Variants in GTF3C1 observed in about 807,000 individuals in gnomAD.
GTF3C1 encodes the protein general transcription factor 3C polypeptide 1.
In GTF3C1, 57 loss-of-function variants were observed where a neutral mutation model predicts 226.7. The ratio of observed to expected loss-of-function variants is 0.25; its 90% confidence interval spans 0.20 to 0.31. The LOEUF (loss-of-function observed/expected upper bound fraction) is 0.31. GTF3C1 is among the 10% of genes least tolerant of loss of function. The pLI is 1.00. For missense variants in GTF3C1, 2,217 were observed against 2,776.1 expected (o/e 0.80, Z 4.53); for synonymous variants, 1,090 against 1,084.8 (o/e 1.00, Z -0.09).
At chr16:27,498,805 C>A in intron 12 of GTF3C1, 72 bp from the exon 13 acceptor site, 1 of 790,854 alleles carries the variant, frequency 1.3e-6, no homozygotes, top group South Asian at 1.3e-5. Flanking sequence ...ACAGTCGATT[C>A]CTAGTGGAAC....
chr16:27,538,998 ACT>A (rs1555505415), intron 2 of GTF3C1, among the ~76,000 whole-genome samples: 1 of 116,852 alleles, frequency 8.6e-6, no homozygotes. Flanking sequence ...ACACACACAC[ACT>A]CATCTTTTTT....
chr16:27,508,271 A>C (rs555886519), intron 8 of GTF3C1, among the ~76,000 whole-genome samples: 1 of 152,318 alleles, frequency 6.6e-6, no homozygotes, highest in Admixed American at 6.5e-5. Context: ...TCAGCCTCCC[A>C]AAGTGTTGGG....
At position 27,508,531 on chromosome 16, in the gene GTF3C1, T is replaced by C; in HGVS notation, c.1242+9A>G. On this transcript the variant is annotated intron_variant, in intron 8 of 36. Coordinates refer to ENST00000356183, the MANE Select transcript of GTF3C1 (RefSeq NM_001520.4). ...ACAACGAGTGTTGGGGGAAGGCTCA[T>C]GATGTTACCTTGACAACTTTGAATC... 2 of 1,593,422 alleles carry C rather than the reference T, an allele frequency of 1.3e-6. No homozygotes were observed. The highest frequency in any genetic ancestry group is 8.6e-7 in the Non-Finnish European group (1 of 1,161,146).
intron 6 of GTF3C1, among the ~76,000 whole-genome samples, chr16:27,525,541 C>T (rs980608093): frequency 2.6e-5 from 4 of 152,238 alleles, no homozygotes; most frequent in African/African-American, 7.2e-5. Context: ...TTTTCTCAGA[C>T]ACAGGGAAGC....
Position 27,497,639 on chromosome 16 carries a change from A to G in GTF3C1, c.2348T>C (p.Val783Ala). 6.2e-7 allele frequency: 1 copy of G among 1,611,064 alleles called. No individual in the cohort carries two copies. ...ITPLRNYHPI[V>A]VPGLGRSLGF... ...ACAGACAAGAAGCTGCAGCTTACCT[A>G]CAATGGGGTGATAATTTCTAAGCGG... The change falls in exon 14 of 37, where the codon GTA (valine) becomes GCA (alanine). Residue 783 changes from valine (V) to alanine (A), a missense_variant and splice_region_variant. Val to Ala is a moderately conservative substitution (Grantham distance 64). Around this residue, in one of 12 missense-constraint regions of GTF3C1, gnomAD observed 100 missense variants for 139.9 expected, o/e 0.71. Coordinates refer to ENST00000356183, the MANE Select transcript of GTF3C1 (RefSeq NM_001520.4).
In GTF3C1 at chr16:27,463,677, A is replaced by C. The variant is rs1276012758; in HGVS notation, c.5873-85T>G. The C allele has an allele frequency of 6.2e-6, 5 of 806,544 alleles. No homozygotes were observed. Among genetic ancestry groups the C allele is most frequent in the Non-Finnish European group, 9.0e-6 (4 of 445,190 alleles). 50.0% of individuals were successfully genotyped at this position (806,544 alleles called of 1,614,324 possible). On this transcript the variant is annotated intron_variant, in intron 34 of 36. Transcript: ENST00000356183. The surrounding 1 kb of genome is among the most constrained non-coding windows in gnomAD (Gnocchi z 4.9). The stretch of plus-strand genomic sequence containing the variant: ...TCCAACCTTCAGCATGGTACCTAGC[A>C]TGAGCAGGGCACCTCGAGGCTCAGG...
intron 4 of GTF3C1, among the ~76,000 whole-genome samples, chr16:27,533,916 G>A (rs1184000329): frequency 6.6e-6 from 1 of 152,196 alleles, no homozygotes. Flanking sequence ...TGAGGCAGGA[G>A]AATTGCTTGA....
chr16:27,500,988 T>C (rs568781783), intron 12 of GTF3C1, among the ~76,000 whole-genome samples: 5 of 152,260 alleles, frequency 3.3e-5, no homozygotes, highest in African/African-American at 1.2e-4. Flanking sequence ...CTGCTTGGAG[T>C]TGACATGCTT....
intron 4 of GTF3C1, among the ~76,000 whole-genome samples, chr16:27,536,245 G>A (rs940003597): frequency 4.6e-5 from 7 of 152,170 alleles, no homozygotes; most frequent in African/African-American, 1.7e-4. Context: ...TTATATTATT[G>A]GTAAGGCTTC....
chr16:27,515,487 C>A (rs1312581690), intron 6 of GTF3C1, among the ~76,000 whole-genome samples: 1 of 151,114 alleles, frequency 6.6e-6, no homozygotes, highest in Non-Finnish European at 1.5e-5. Flanking sequence ...ACAAAAAAAA[C>A]CCTTCTTCTC....
chr16:27,512,197 T>A (rs567824246), intron 6 of GTF3C1, among the ~76,000 whole-genome samples: 1 of 152,228 alleles, frequency 6.6e-6, no homozygotes, highest in Non-Finnish European at 1.5e-5. Flanking sequence ...CACCTTCTCC[T>A]GCTGGAGACC....
At chr16:27,493,633 T>C (rs1420844288) in intron 16 of GTF3C1, among the ~76,000 whole-genome samples, 1 of 152,216 alleles carries the variant, frequency 6.6e-6, no homozygotes, top group African/African-American at 2.4e-5. Flanking sequence ...CGCGTTCCTT[T>C]TGAAGCCAGT....
At chr16:27,519,652 CCT>C (rs1052296633) in intron 6 of GTF3C1, among the ~76,000 whole-genome samples, 2 of 151,972 alleles carry the variant, frequency 1.3e-5, no homozygotes, top group African/African-American at 4.8e-5. Flanking sequence ...GGGACTTGTG[CCT>C]CTGTTTTCTC....
In GTF3C1 at chr16:27,507,940, A is replaced by G. The variant is rs1425477493; in HGVS notation, c.1242+600T>C. ...ACTGCTTTGTCTGAAGCACGTGGAC[A>G]GAGAGTGGCCAGCCCCAGCTGACTG... On this transcript the variant is annotated intron_variant, in intron 8 of 36. Transcript: ENST00000356183. This position sits in a 1 kb window ranked among gnomAD's most constrained non-coding sequence, Gnocchi z 4.9. Among the ~76,000 whole-genome samples the G allele has an allele frequency of 1.3e-5, 2 of 152,264 alleles. No homozygotes were observed. The highest frequency in any genetic ancestry group is 4.8e-5 in the African/African-American group (2 of 41,482).
rs369978897 is a variant in GTF3C1 at position 27,494,412 on chromosome 16, AC to A, written c.2778+350del. Among the ~76,000 whole-genome samples, 4 of 146,496 alleles carry A rather than the reference AC, an allele frequency of 2.7e-5. 1 individual carries two copies. The highest frequency in any genetic ancestry group is 4.2e-4 in the South Asian group (2 of 4,728). On this transcript the variant is annotated intron_variant, in intron 16 of 36. Transcript: ENST00000356183. Reference sequence around the variant, plus strand: ...CAAGACTCTGTCTCATAAAAAAAAAACAAAAAAAAAAAACAAAAAAAACCAC... The same window carrying A: ...CAAGACTCTGTCTCATAAAAAAAAAAAAAAAAAAAAAACAAAAAAAACCAC...
chr16:27,482,631 T>C (rs2088072589), intron 26 of GTF3C1: 1 of 457,636 alleles, frequency 2.2e-6, no homozygotes, highest in Non-Finnish European at 4.4e-6. Flanking sequence ...GAGCAGCCTC[T>C]GAGGCGAAGG....
chr16:27,540,593 G>A (rs944638848), intron 2 of GTF3C1, among the ~76,000 whole-genome samples: 4 of 152,294 alleles, frequency 2.6e-5, no homozygotes, highest in African/African-American at 7.2e-5. Flanking sequence ...TGCCAATGAA[G>A]TACCATGCAA....
chr16:27,504,256 C>A (rs1325581808), intron 10 of GTF3C1, among the ~76,000 whole-genome samples: 2 of 152,208 alleles, frequency 1.3e-5, no homozygotes, highest in East Asian at 3.9e-4. Flanking sequence ...GAACTGGAAA[C>A]AAGTCAGGGA....
intron 6 of GTF3C1, among the ~76,000 whole-genome samples, chr16:27,527,823 G>A (rs766354012): frequency 3.6e-4 from 55 of 151,978 alleles, no homozygotes; most frequent in Non-Finnish European, 2.4e-4. Flanking sequence ...GCAACATAGC[G>A]AGACTTTCTC....
Sources: gnomAD v4.1 joint callset for allele counts (sites outside exome capture counted in the v4.1 genomes callset) on GRCh38, gnomAD v4.1.1 for gene constraint, gnomAD v4.1.1 regional missense constraint, Gnocchi (gnomAD v3.1) non-coding constraint, MANE v1.5 for transcripts, NCBI Gene and HGNC (gene_info 2026-07-23, HGNC 2026-07-21) for gene names.